Variants in MDFIC2 observed in about 807,000 individuals in gnomAD.
MDFIC2 encodes the protein MyoD family inhibitor domain containing 2, also known as myoD family inhibitor domain-containing protein 2.
At chr3:70,304,952 T>C (rs1702385621) in intron 2 of MDFIC2, among the ~76,000 whole-genome samples, 1 of 152,124 alleles carries the variant, frequency 6.6e-6, no homozygotes, top group Non-Finnish European at 1.5e-5. Flanking sequence ...CTCTGAGCTG[T>C]ACTATCTTTG....
chr3:70,257,634 A>C (rs1451738897), intron 2 of MDFIC2, among the ~76,000 whole-genome samples: 1 of 152,212 alleles, frequency 6.6e-6, no homozygotes, highest in African/African-American at 2.4e-5. Flanking sequence ...ACTAAAAGCT[A>C]TGAAACATTG....
At chr3:70,230,827 T>C (rs530628231) in intron 2 of MDFIC2, among the ~76,000 whole-genome samples, 53 of 152,288 alleles carry the variant, frequency 3.5e-4, no homozygotes, top group African/African-American at 1.2e-3. Flanking sequence ...AGGATGTTCA[T>C]GCCCATGCCA....
chr3:70,268,589 G>T (rs1381573453), intron 2 of MDFIC2, among the ~76,000 whole-genome samples: 1 of 151,998 alleles, frequency 6.6e-6, no homozygotes, highest in Non-Finnish European at 1.5e-5. Flanking sequence ...GTTCACTCTG[G>T]TGATGTACCT....
At chr3:70,231,127 G>C (rs894458740) in intron 2 of MDFIC2, among the ~76,000 whole-genome samples, 1 of 152,154 alleles carries the variant, frequency 6.6e-6, no homozygotes, top group East Asian at 1.9e-4. Context: ...ACACACAAGG[G>C]CATTTTCGTA....
At chr3:70,278,699 A>C (rs1335379803) in intron 2 of MDFIC2, among the ~76,000 whole-genome samples, 2 of 152,102 alleles carry the variant, frequency 1.3e-5, no homozygotes, top group Non-Finnish European at 2.9e-5. Flanking sequence ...GGCATATCCA[A>C]CCTGGTTGGA....
At chr3:70,290,574 G>C (rs137876058) in intron 2 of MDFIC2, among the ~76,000 whole-genome samples, 4,051 of 152,350 alleles carry the variant, frequency 0.027, 71 homozygotes, top group Middle Eastern at 0.068. Context: ...TCCTTGAGCT[G>C]TGGTGGGCTC....
At chr3:70,312,363 A>G (rs1441537138) in intron 1 of MDFIC2, among the ~76,000 whole-genome samples, 188 bp downstream of exon 1, 1 of 152,246 alleles carries the variant, frequency 6.6e-6, no homozygotes. Context: ...ACAAATAACA[A>G]TAAAACACAA....
chr3:70,197,503 C>A (rs992427967), intron 3 of MDFIC2, among the ~76,000 whole-genome samples: 1 of 152,182 alleles, frequency 6.6e-6, no homozygotes, highest in Non-Finnish European at 1.5e-5. Context: ...AATTAGCTAC[C>A]TCTCTGGAAA....
At position 70,195,768 on chromosome 3, in the gene MDFIC2, A is replaced by G. The variant is rs1196175300; in HGVS notation, c.*1158T>C. 6.6e-6 allele frequency among the ~76,000 whole-genome samples: 1 copy of G among 152,238 alleles called. No individual in the cohort carries two copies. The highest frequency in any genetic ancestry group is 6.5e-5 in the Admixed American group (1 of 15,284). On this transcript the variant is annotated 3_prime_UTR_variant, in exon 4 of 4. Transcript: ENST00000567252. ...AAGTAATGAGCAATGTATTTGCCCA[A>G]GGACTATAGAATTGTTTCTACAGAA...
At chr3:70,274,450 G>T (rs1480843718) in intron 2 of MDFIC2, among the ~76,000 whole-genome samples, 1 of 152,118 alleles carries the variant, frequency 6.6e-6, no homozygotes, top group East Asian at 1.9e-4. Context: ...AGTGTTACAA[G>T]ATATATTTGA....
At chr3:70,264,629 C>T (rs1463284441) in intron 2 of MDFIC2, among the ~76,000 whole-genome samples, 3 of 152,250 alleles carry the variant, frequency 2.0e-5, no homozygotes, top group Non-Finnish European at 1.5e-5. Context: ...CAAATGTTTA[C>T]TGAGCACTGA....
At chr3:70,305,301 A>G (rs1337668360) in intron 2 of MDFIC2, among the ~76,000 whole-genome samples, 1 of 151,766 alleles carries the variant, frequency 6.6e-6, no homozygotes, top group Non-Finnish European at 1.5e-5. Flanking sequence ...TATTTTTGTT[A>G]TTAGGTAACG....
chr3:70,199,051 A>G (rs762204277), intron 3 of MDFIC2, among the ~76,000 whole-genome samples: 22 of 152,200 alleles, frequency 1.4e-4, no homozygotes, highest in Non-Finnish European at 2.6e-4. Flanking sequence ...ACAATCTCCA[A>G]GTGAATACTC....
chr3:70,214,352 C>T (rs1456061201), intron 2 of MDFIC2, among the ~76,000 whole-genome samples: 3 of 152,008 alleles, frequency 2.0e-5, no homozygotes, highest in African/African-American at 7.2e-5. Context: ...CCTCAAGAAA[C>T]GTTAGATGAA....
chr3:70,247,961 A>G (rs1258299438), intron 2 of MDFIC2, among the ~76,000 whole-genome samples: 1 of 152,092 alleles, frequency 6.6e-6, no homozygotes, highest in Non-Finnish European at 1.5e-5. Context: ...TCACAAATAA[A>G]GTAGAATTTA....
intron 2 of MDFIC2, among the ~76,000 whole-genome samples, chr3:70,277,932 C>G (rs537222751): frequency 6.6e-6 from 1 of 152,256 alleles, no homozygotes; most frequent in African/African-American, 2.4e-5. Context: ...TTCATTAGCC[C>G]TCTCAATGTT....
chr3:70,312,087 G>A, intron 1 of MDFIC2, 114 bp from the exon 2 acceptor site: 2 of 390,336 alleles, frequency 5.1e-6, no homozygotes, highest in Non-Finnish European at 9.0e-6. Flanking sequence ...TATCTCTATA[G>A]TTTTTCAGTT....
intron 2 of MDFIC2, among the ~76,000 whole-genome samples, chr3:70,267,528 G>A (rs1241561456): frequency 6.8e-6 from 1 of 147,496 alleles, no homozygotes; most frequent in Non-Finnish European, 1.5e-5. Flanking sequence ...TCAGCTTCCC[G>A]AGTAGCTGGG....
intron 2 of MDFIC2, among the ~76,000 whole-genome samples, chr3:70,216,896 AC>A (rs953028492): frequency 1.3e-5 from 2 of 152,078 alleles, no homozygotes; most frequent in Admixed American, 1.3e-4. Flanking sequence ...CTGCTGAACA[AC>A]CTATTATGCA....
Sources: allele counts gnomAD v4.1 joint callset (sites outside exome capture counted in the v4.1 genomes callset), GRCh38; gene constraint gnomAD v4.1.1; transcripts MANE v1.5; gene names NCBI Gene and HGNC (gene_info 2026-07-23, HGNC 2026-07-21).